Variants in CNTNAP3 observed in about 807,000 individuals in gnomAD.
CNTNAP3 encodes contactin-associated protein-like 3.
CNTNAP3 carries 36 observed loss-of-function variants against 92.1 expected under a neutral mutation model. The observed-to-expected ratio is 0.39, with a 90% CI of 0.30 to 0.52. The LOEUF (loss-of-function observed/expected upper bound fraction) is 0.52. CNTNAP3 is among the 20% of genes least tolerant of loss of function. The pLI, the probability that CNTNAP3 is intolerant of heterozygous loss-of-function variation, is 0.76. For missense variants in CNTNAP3, 534 were observed against 1,069.6 expected, an observed-to-expected ratio of 0.50 and a Z score of 6.98; for synonymous variants, 232 against 422.3, an observed-to-expected ratio of 0.55 and a Z score of 5.53.
intron 11 of CNTNAP3, among the ~76,000 whole-genome samples, chr9:39,142,795 T>G (rs1821608998): frequency 6.6e-6 from 1 of 152,162 alleles, no homozygotes. Flanking sequence ...TTTGCCCAGA[T>G]CCTTTACAGA....
chr9:39,142,999 G>C (rs1392910189), intron 11 of CNTNAP3, among the ~76,000 whole-genome samples: 1 of 151,928 alleles, frequency 6.6e-6, no homozygotes, highest in Non-Finnish European at 1.5e-5. Flanking sequence ...TGAAGACCCA[G>C]GGATGGGCGA....
At chr9:39,153,805 C>T (rs1471465462) in intron 9 of CNTNAP3, among the ~76,000 whole-genome samples, 5 of 132,116 alleles carry the variant, frequency 3.8e-5, no homozygotes, top group African/African-American at 8.9e-5. Context: ...ATGATCCACC[C>T]GCCTCAGCCT....
At chr9:39,122,095 C>T (rs1340064730) in intron 13 of CNTNAP3, among the ~76,000 whole-genome samples, 1 of 152,214 alleles carries the variant, frequency 6.6e-6, no homozygotes, top group Non-Finnish European at 1.5e-5. Flanking sequence ...TGGCTCACGC[C>T]TGTAATCCCA....
chr9:39,110,281 A>T (rs1174246554), intron 14 of CNTNAP3, among the ~76,000 whole-genome samples: 1 of 152,128 alleles, frequency 6.6e-6, no homozygotes, highest in Admixed American at 6.5e-5. Flanking sequence ...CTGTAGTCCC[A>T]GCTACATGGG....
At chr9:39,126,070 G>C (rs543901886) in intron 13 of CNTNAP3, among the ~76,000 whole-genome samples, 12 of 152,178 alleles carry the variant, frequency 7.9e-5, no homozygotes, top group African/African-American at 2.9e-4. Context: ...AAATACAAAT[G>C]CACAATTCAT....
intron 18 of CNTNAP3, among the ~76,000 whole-genome samples, chr9:39,094,165 T>C (rs1431547198): frequency 6.6e-6 from 1 of 151,668 alleles, no homozygotes; most frequent in Non-Finnish European, 1.5e-5. Flanking sequence ...ATTGACTCTG[T>C]ATATCTTTTT....
At chr9:39,106,984 T>C (rs1826620134) in intron 15 of CNTNAP3, among the ~76,000 whole-genome samples, 1 of 151,958 alleles carries the variant, frequency 6.6e-6, no homozygotes, top group African/African-American at 2.4e-5. Context: ...TCTTAGATTA[T>C]GGGAAAAAAA....
At chr9:39,075,339 G>C (rs201719898) in intron 23 of CNTNAP3, among the ~76,000 whole-genome samples, 19,848 of 148,764 alleles carry the variant, frequency 0.13, 37 homozygotes, top group East Asian at 0.22. Flanking sequence ...TTCAGAGCCA[G>C]AGTGCTAAAG....
intron 14 of CNTNAP3, among the ~76,000 whole-genome samples, chr9:39,110,717 G>A (rs1826725126): frequency 6.6e-6 from 1 of 152,098 alleles, no homozygotes; most frequent in South Asian, 2.1e-4. Context: ...TATTATATAT[G>A]TGTATGTAAC....
chr9:39,142,467 T>C (rs1821600543), intron 11 of CNTNAP3, among the ~76,000 whole-genome samples: 1 of 151,954 alleles, frequency 6.6e-6, no homozygotes, highest in African/African-American at 2.4e-5. Context: ...GGTCAGGAGA[T>C]CGAGACCATC....
At position 39,114,132 on chromosome 9, in the gene CNTNAP3, G is replaced by A. The variant is rs577950346; in HGVS notation, c.2237+3971C>T. Among the ~76,000 whole-genome samples, 4 of 148,930 alleles carry A rather than the reference G, an allele frequency of 2.7e-5. No homozygotes were observed. In the East Asian group the frequency reaches 7.8e-4, roughly 29 times the overall value. The stretch of plus-strand genomic sequence containing the variant: ...GAGTCTTGGTCTGTCGCCCAGGCTG[G>A]AGTGCAGTGGTGTGATCTTGGCTCA... On this transcript the variant is annotated intron_variant, in intron 14 of 23. Coordinates refer to ENST00000297668, the MANE Select transcript of CNTNAP3 (RefSeq NM_033655.5).
intron 2 of CNTNAP3, among the ~76,000 whole-genome samples, chr9:39,253,014 TACAC>T (rs1178975952): frequency 0.031 from 110 of 3,596 alleles, 42 homozygotes; most frequent in Non-Finnish European, 0.036. Context: ...CAACTGAATA[TACAC>T]ACACACACAC....
intron 13 of CNTNAP3, among the ~76,000 whole-genome samples, chr9:39,123,215 C>A: frequency 6.6e-6 from 1 of 151,676 alleles, no homozygotes; most frequent in Admixed American, 6.6e-5. Flanking sequence ...CTGCCTCAGC[C>A]TCCCGAGTAG....
rs1820906765 is a variant in CNTNAP3 at position 39,118,204 on chromosome 9, C to T, written c.2136G>A (p.Trp712Ter). The T allele has an allele frequency of 2.8e-5, 45 of 1,610,094 alleles. No individual in the cohort carries two copies. The highest frequency in any genetic ancestry group is 3.7e-5 in the Non-Finnish European group (44 of 1,179,008). Reference protein sequence around the residue: ...VGRTNETHTSWGGSLPDAQKC... With the variant: ...VGRTNETHTS ...TTTGAGCATCAGGCAGAGAACCTCC[C>T]CAGGAAGTGTGTGTTTCATTGGTTC... The change falls in exon 14 of 24, where the codon TGG (tryptophan) becomes TGA (stop). Residue 712 changes from tryptophan to a stop codon, truncating the protein, a stop_gained. Coordinates refer to ENST00000297668, the MANE Select transcript of CNTNAP3 (RefSeq NM_033655.5). LOFTEE classifies it high-confidence loss of function.
chr9:39,088,234 T>C (rs754533925), intron 19 of CNTNAP3, among the ~76,000 whole-genome samples, 189 bp downstream of exon 19: 2 of 149,456 alleles, frequency 1.3e-5, no homozygotes, highest in Middle Eastern at 3.4e-3. Context: ...GAGAAAAGCA[T>C]CTTAATTTAA....
At chr9:39,132,138 T>A (rs558114467) in intron 13 of CNTNAP3, among the ~76,000 whole-genome samples, 84 of 152,216 alleles carry the variant, frequency 5.5e-4, no homozygotes, top group African/African-American at 2.0e-3. Context: ...CTCCCGCCTA[T>A]ATACTATTTG....
intron 11 of CNTNAP3, 89 bp from the exon 12 acceptor site, chr9:39,140,727 C>G: frequency 6.8e-7 from 1 of 1,472,968 alleles, no homozygotes; most frequent in Non-Finnish European, 9.0e-7. Flanking sequence ...GAATTACAGA[C>G]ATGTGATACA....
Position 39,122,609 on chromosome 9 carries a change from C to A in CNTNAP3, c.2081-4350G>T, listed in dbSNP as rs370790950. Among the ~76,000 whole-genome samples, 11 of 152,296 alleles carry A rather than the reference C, an allele frequency of 7.2e-5. No individual in the cohort carries two copies. In the East Asian group the frequency reaches 1.2e-3, roughly 16 times the overall value. ...ACAGTTATGCAAAGAGCAAATTCAG[C>A]CTAACTACTAACTAGATAAACATAA... On this transcript the variant is annotated intron_variant, in intron 13 of 23. Coordinates refer to ENST00000297668, the MANE Select transcript of CNTNAP3 (RefSeq NM_033655.5).
chr9:39,125,571 T>C (rs1203961983), intron 13 of CNTNAP3, among the ~76,000 whole-genome samples: 3 of 151,232 alleles, frequency 2.0e-5, no homozygotes, highest in African/African-American at 7.3e-5. Context: ...ATGATCCACC[T>C]ACATGTTGTC....
Sources: allele counts gnomAD v4.1 joint callset (sites outside exome capture counted in the v4.1 genomes callset), GRCh38; gene constraint gnomAD v4.1.1; transcripts MANE v1.5; gene names NCBI Gene and HGNC (gene_info 2026-07-23, HGNC 2026-07-21).